LCMT1: variants seen among roughly 807,000 people sequenced by gnomAD.
LCMT1 encodes the protein leucine carboxyl methyltransferase 1.
Under a neutral mutation model 47.7 loss-of-function variants are expected in LCMT1, and 32 were observed. That is an observed-to-expected ratio of 0.67 (90% confidence interval 0.51 to 0.90). The LOEUF is 0.90. Ranked by LOEUF, LCMT1 falls within the 40% of genes least tolerant of loss-of-function variation. LCMT1 has a pLI of 0.00. For missense variants in LCMT1, 375 were observed against 415.2 expected (o/e 0.90, Z 0.84); for synonymous variants, 152 against 149.7 (o/e 1.02, Z -0.11).
At chr16:25,158,678 C>G (rs1961333232) in intron 5 of LCMT1, 1 of 152,228 alleles carries the variant, frequency 6.6e-6, no homozygotes, top group South Asian at 2.1e-4. Flanking sequence ...TTATAAAACT[C>G]CTTCGAAACT....
intron 6 of LCMT1, among the ~76,000 whole-genome samples, chr16:25,163,694 G>A (rs1291124773): frequency 2.0e-5 from 3 of 152,048 alleles, no homozygotes; most frequent in Admixed American, 6.6e-5. Flanking sequence ...AAGAAGTGCC[G>A]GGAAGCATCT....
rs200673006 is a variant in LCMT1 at position 25,169,099 on chromosome 16, C to G, written c.691-13C>G. ...CCCTTAGAGTAATATCTTACCTTCT[C>G]TTTCCCTCCTAGGTGAACATGGGTG... On this transcript the variant is annotated splice_polypyrimidine_tract_variant and intron_variant, in intron 7 of 10. Coordinates refer to ENST00000399069, the MANE Select transcript of LCMT1 (RefSeq NM_016309.3). 1.1e-4 allele frequency: 174 copies of G among 1,583,942 alleles called. 2 individuals carry two copies. The South Asian group carries it at 1.1e-3, about 10-fold the overall frequency.
intron 1 of LCMT1, among the ~76,000 whole-genome samples, chr16:25,114,242 T>G (rs1320037114): frequency 1.3e-5 from 2 of 152,088 alleles, no homozygotes; most frequent in Non-Finnish European, 2.9e-5. Flanking sequence ...TGGTATAGAG[T>G]CCTTCTGCGG....
intron 4 of LCMT1, chr16:25,148,324 G>A (rs1050205866): frequency 6.6e-5 from 10 of 152,298 alleles, no homozygotes; most frequent in Non-Finnish European, 1.3e-4. Flanking sequence ...GCATGAGCTA[G>A]GCAAACTCCA....
chr16:25,152,504 G>A (rs191255069), intron 5 of LCMT1, among the ~76,000 whole-genome samples: 1 of 152,310 alleles, frequency 6.6e-6, no homozygotes, highest in Admixed American at 6.5e-5. Flanking sequence ...TTCTAAATGA[G>A]TCTTTTTAGA....
chr16:25,125,758 G>T (rs1460321969), intron 1 of LCMT1, among the ~76,000 whole-genome samples: 1 of 151,750 alleles, frequency 6.6e-6, no homozygotes, highest in East Asian at 1.9e-4. Context: ...CTTGAAACTG[G>T]AAGGCGGGGG....
intron 3 of LCMT1, among the ~76,000 whole-genome samples, chr16:25,135,432 T>A (rs1277073197): frequency 6.6e-6 from 1 of 152,188 alleles, no homozygotes; most frequent in East Asian, 1.9e-4. Context: ...GTTTGCATAT[T>A]GTGCTTCAGC....
At chr16:25,115,993 T>G (rs1959772666) in intron 1 of LCMT1, among the ~76,000 whole-genome samples, 1 of 152,174 alleles carries the variant, frequency 6.6e-6, no homozygotes, top group Non-Finnish European at 1.5e-5. Flanking sequence ...CCAAGAAATG[T>G]AATCATCCTT....
intron 1 of LCMT1, among the ~76,000 whole-genome samples, chr16:25,112,472 G>A (rs924356704): frequency 6.6e-6 from 1 of 152,228 alleles, no homozygotes; most frequent in African/African-American, 2.4e-5. Flanking sequence ...TCTTTGCAGA[G>A]CCAGTACCGC....
At chr16:25,138,535 T>TTG (rs928080540) in intron 3 of LCMT1, among the ~76,000 whole-genome samples, 5 of 151,540 alleles carry the variant, frequency 3.3e-5, no homozygotes, top group East Asian at 3.9e-4. Flanking sequence ...GTGTGTGTGG[T>TTG]TGTGTGTGTG....
chr16:25,173,141 GT>G (rs1961824337), intron 9 of LCMT1, among the ~76,000 whole-genome samples: 1 of 152,226 alleles, frequency 6.6e-6, no homozygotes, highest in Non-Finnish European at 1.5e-5. Context: ...AGGCGAGCCT[GT>G]TCATTGAACA....
intron 5 of LCMT1, among the ~76,000 whole-genome samples, chr16:25,157,095 C>G (rs1047823176): frequency 6.6e-6 from 1 of 152,100 alleles, no homozygotes; most frequent in East Asian, 1.9e-4. Flanking sequence ...ACACATCTCT[C>G]GAAATGCACC....
At chr16:25,125,295 A>G (rs1567308737) in intron 1 of LCMT1, among the ~76,000 whole-genome samples, 1 of 152,170 alleles carries the variant, frequency 6.6e-6, no homozygotes, top group Non-Finnish European at 1.5e-5. Flanking sequence ...TTTTGTGATT[A>G]GGTTTGTTCA....
At chr16:25,124,908 C>T (rs890184404) in intron 1 of LCMT1, among the ~76,000 whole-genome samples, 1 of 152,168 alleles carries the variant, frequency 6.6e-6, no homozygotes, top group Non-Finnish European at 1.5e-5. Context: ...TAGGCAGCAC[C>T]TCAAACCTAA....
intron 9 of LCMT1, among the ~76,000 whole-genome samples, chr16:25,173,692 A>G (rs147678522): frequency 6.2e-4 from 93 of 150,550 alleles, no homozygotes; most frequent in African/African-American, 2.2e-3. Flanking sequence ...GTGTGTACCT[A>G]TTTTGACAGA....
chr16:25,122,782 C>T (rs901408542), intron 1 of LCMT1, among the ~76,000 whole-genome samples: 1 of 151,982 alleles, frequency 6.6e-6, no homozygotes, highest in Non-Finnish European at 1.5e-5. Flanking sequence ...CTTGGTTCAA[C>T]TTGTACAGTA....
chr16:25,138,475 G>C lies in LCMT1; in HGVS notation c.328-1696G>C, dbSNP rs73563465. On this transcript the variant is annotated intron_variant, in intron 3 of 10. Coordinates refer to ENST00000399069, the MANE Select transcript of LCMT1 (RefSeq NM_016309.3). ...TGCGTGACTGGGTAGGGAGGGTGTA[G>C]CTACCAAGCAAGCCAGGTGACCCAG... 8.6e-3 allele frequency among the ~76,000 whole-genome samples: 1,311 copies of C among 152,182 alleles called. 19 individuals carry two copies. Among genetic ancestry groups the C allele is most frequent in the African/African-American group, 0.03 (1,247 of 41,502 alleles).
At chr16:25,172,681 C>T (rs277888) in intron 9 of LCMT1, among the ~76,000 whole-genome samples, 34,758 of 152,144 alleles carry the variant, frequency 0.23, 4,097 homozygotes, top group East Asian at 0.34. Context: ...CACTGTTTTT[C>T]CCAAATATGT....
intron 4 of LCMT1, chr16:25,142,346 C>G (rs949018804): frequency 6.6e-6 from 1 of 152,136 alleles, no homozygotes; most frequent in Non-Finnish European, 1.5e-5. Flanking sequence ...TTTTTTCCAC[C>G]CTTTTTGGTG....
Sources: gnomAD v4.1 joint callset for allele counts (sites outside exome capture counted in the v4.1 genomes callset) on GRCh38, gnomAD v4.1.1 for gene constraint, MANE v1.5 for transcripts, NCBI Gene and HGNC (gene_info 2026-07-23, HGNC 2026-07-21) for gene names.